Variants in KIF20B observed in about 807,000 individuals in gnomAD.
KIF20B encodes kinesin-like protein KIF20B.
KIF20B carries 188 observed loss-of-function variants against 232.5 expected under a neutral mutation model. The observed-to-expected ratio is 0.81, with a 90% CI of 0.72 to 0.91. KIF20B has a LOEUF of 0.91. Among genes scored for constraint, KIF20B ranks in the 40% least tolerant of loss-of-function variants. The probability of loss-of-function intolerance (pLI) is 0.00; values close to 1 mark genes in which losing one functional copy is unlikely to be tolerated. For synonymous variants in KIF20B, 712 were observed against 683.0 expected (o/e 1.04, Z -0.66); for missense variants, 2,154 against 2,055.9 (o/e 1.05, Z -0.92).
At chr10:89,703,438 G>T (rs1367535705) in intron 1 of KIF20B, among the ~76,000 whole-genome samples, 2 of 152,182 alleles carry the variant, frequency 1.3e-5, no homozygotes, top group African/African-American at 4.8e-5. Context: ...CTAGACCAGG[G>T]TGAGGGGCCA....
At chr10:89,706,429 CT>C (rs1300873753) in intron 2 of KIF20B, among the ~76,000 whole-genome samples, 1 of 151,982 alleles carries the variant, frequency 6.6e-6, no homozygotes, top group Non-Finnish European at 1.5e-5. Context: ...TTAACATTTT[CT>C]TTTCTTCTTT....
intron 1 of KIF20B, among the ~76,000 whole-genome samples, chr10:89,703,685 T>C (rs1842659945): frequency 6.6e-6 from 1 of 152,024 alleles, no homozygotes; most frequent in African/African-American, 2.4e-5. Flanking sequence ...AAAAATATGC[T>C]TATTTTGGGC....
chr10:89,741,020 A>C (rs1012738138), intron 21 of KIF20B, among the ~76,000 whole-genome samples: 11 of 152,192 alleles, frequency 7.2e-5, no homozygotes, highest in Non-Finnish European at 1.3e-4. Context: ...TGTGCACTTT[A>C]TATTATTATT....
intron 29 of KIF20B, among the ~76,000 whole-genome samples, chr10:89,763,459 G>T (rs1419575488): frequency 6.6e-6 from 1 of 152,148 alleles, no homozygotes; most frequent in Non-Finnish European, 1.5e-5. Flanking sequence ...TGTATTGGAA[G>T]AGAAAAGAGG....
chr10:89,751,979 C>G (rs1842030312), intron 24 of KIF20B, among the ~76,000 whole-genome samples: 1 of 151,828 alleles, frequency 6.6e-6, no homozygotes. Flanking sequence ...ATAACCTTGG[C>G]AGGGTACTTG....
At position 89,751,332 on chromosome 10, in the gene KIF20B, C is replaced by T; in HGVS notation, c.4097-14C>T. On this transcript the variant is annotated splice_polypyrimidine_tract_variant and intron_variant, in intron 23 of 32. Transcript: ENST00000371728. Reference sequence around the variant, plus strand: ...AGGCTATTAATTTCTAAAATGTTCTCCCCCGATTTTTAGATCTAAATGTTA... The same window carrying T: ...AGGCTATTAATTTCTAAAATGTTCTTCCCCGATTTTTAGATCTAAATGTTA... The T allele has an allele frequency of 6.3e-7, 1 of 1,582,128 alleles. No individual in the cohort carries two copies. Among genetic ancestry groups the T allele is most frequent in the Non-Finnish European group, 8.6e-7 (1 of 1,166,740 alleles).
Position 89,714,926 on chromosome 10 carries a change from ATTG to A in KIF20B, c.713-26_713-24del, listed in dbSNP as rs765393215. On this transcript the variant is annotated intron_variant, in intron 7 of 32. Coordinates refer to ENST00000371728, the MANE Select transcript of KIF20B (RefSeq NM_001284259.2). ...TTTTAGTCAGTTGCTTACTTTCGTG[ATTG>A]TTTTTTCTTTTTCTTTTTTTTGTAG... 89 of 1,348,488 alleles carry A rather than the reference ATTG, an allele frequency of 6.6e-5. No individual in the cohort carries two copies. In the East Asian group the frequency reaches 2.1e-3, roughly 32 times the overall value. 83.5% of individuals were successfully genotyped at this position (1,348,488 alleles called of 1,614,324 possible). A position where few individuals can be genotyped will look rare whatever the true frequency, so the allele number is the denominator to read the frequency against.
chr10:89,757,065 T>TAC (rs1564673604), intron 26 of KIF20B, among the ~76,000 whole-genome samples: 32 of 135,212 alleles, frequency 2.4e-4, no homozygotes, highest in African/African-American at 7.3e-4. Flanking sequence ...TATATATATA[T>TAC]ATATACACAC....
intron 23 of KIF20B, among the ~76,000 whole-genome samples, chr10:89,747,039 A>G (rs948679208): frequency 2.6e-5 from 4 of 152,262 alleles, no homozygotes; most frequent in African/African-American, 9.6e-5. Context: ...TGTAAAGAAT[A>G]AACTTCAAAT....
chr10:89,764,996 C>T (rs1317847628), intron 29 of KIF20B, among the ~76,000 whole-genome samples: 1 of 151,348 alleles, frequency 6.6e-6, no homozygotes, highest in East Asian at 1.9e-4. Context: ...AATGGTAATG[C>T]CCAGGTTTTC....
intron 15 of KIF20B, 61 bp from the exon 16 acceptor site, chr10:89,726,232 A>G (rs1186514417): frequency 7.0e-7 from 1 of 1,421,474 alleles, no homozygotes; most frequent in Non-Finnish European, 9.2e-7. Context: ...ATTAGATGGT[A>G]CCACATGTAA....
intron 11 of KIF20B, 63 bp from the exon 12 acceptor site, chr10:89,718,647 C>T (rs927597342): frequency 7.9e-7 from 1 of 1,271,830 alleles, no homozygotes; most frequent in Admixed American, 2.1e-5. Context: ...TAAAATGTCT[C>T]AGCACCCTGA....
At chr10:89,713,911 A>G (rs1016425697) in intron 6 of KIF20B, 136 bp from the exon 7 acceptor site, 4 of 378,462 alleles carry the variant, frequency 1.1e-5, no homozygotes, top group Non-Finnish European at 1.9e-5. Flanking sequence ...ACTAGGAAAA[A>G]TTAAAGAATT....
chr10:89,734,859 T>A (rs191228927), intron 19 of KIF20B, among the ~76,000 whole-genome samples: 33 of 152,326 alleles, frequency 2.2e-4, no homozygotes, highest in Non-Finnish European at 3.8e-4. Flanking sequence ...TGTAACAAAC[T>A]GATATGTTAA....
chr10:89,723,797 C>A (rs953825262), intron 13 of KIF20B, 167 bp from the exon 14 acceptor site: 86 of 607,734 alleles, frequency 1.4e-4, no homozygotes, highest in Non-Finnish European at 2.0e-4. Flanking sequence ...TTTCAGTTAA[C>A]AAATCTTTGC....
At chr10:89,729,385 A>G in intron 18 of KIF20B, 138 bp downstream of exon 18, 2 of 896,662 alleles carry the variant, frequency 2.2e-6, no homozygotes, top group Non-Finnish European at 3.1e-6. Context: ...ATTGAACTCA[A>G]TTTACTGTTT....
At position 89,768,360 on chromosome 10, in the gene KIF20B, A is replaced by G. The variant is rs763423034; in HGVS notation, c.5060A>G (p.Asp1687Gly). Reference protein sequence around the residue: ...RTNLKFPISDDRNSSVKKEQK... With the variant: ...RTNLKFPISDGRNSSVKKEQK... ...AATTTGAAATTTCCTATTTCAGATG[A>G]TAGAAATTCTTCTGTCAAAAAGGAA... is the stretch of plus-strand genomic sequence containing the variant. The change falls in exon 30 of 33, where the codon GAT becomes GGT. Residue 1687 changes from aspartate (D) to glycine (G), a missense_variant. Coordinates refer to ENST00000371728, the MANE Select transcript of KIF20B (RefSeq NM_001284259.2). The G allele has an allele frequency of 1.3e-6, 2 of 1,589,654 alleles. No individual in the cohort carries two copies. The highest frequency in any genetic ancestry group is 2.7e-5 in the African/African-American group (2 of 73,444).
chr10:89,710,107 A>G (rs143233819), intron 5 of KIF20B, 42 bp downstream of exon 5: 2 of 1,542,186 alleles, frequency 1.3e-6, no homozygotes, highest in South Asian at 1.2e-5. Flanking sequence ...TAAGGAAGCA[A>G]TAATAATCAC....
At position 89,754,594 on chromosome 10, in the gene KIF20B, A is replaced by C; in HGVS notation, c.4424A>C (p.Glu1475Ala). Residue 1475 changes from glutamate (E) to alanine (A), a missense_variant, in exon 26 of 33, where the codon GAA (glutamate) becomes GCA (alanine). Coordinates refer to ENST00000371728, the MANE Select transcript of KIF20B (RefSeq NM_001284259.2). ...EKMMLITQAK[E>A]AENIRNKEMK... ...ATGATGCTTATCACTCAAGCGAAAG[A>C]AGCAGAGAATATACGAAATAAAGAG... The C allele has an allele frequency of 1.2e-6, 2 of 1,607,692 alleles. No homozygotes were observed. Among genetic ancestry groups the C allele is most frequent in the Admixed American group, 1.7e-5 (1 of 59,230 alleles).
Sources: gnomAD v4.1 joint callset for allele counts (sites outside exome capture counted in the v4.1 genomes callset) on GRCh38, gnomAD v4.1.1 for gene constraint, MANE v1.5 for transcripts, NCBI Gene and HGNC (gene_info 2026-07-23, HGNC 2026-07-21) for gene names.